The following OGFOD1 variants were observed in gnomAD, a reference collection of about 807,000 sequenced individuals.
OGFOD1 encodes prolyl 3-hydroxylase OGFOD1.
OGFOD1 carries 54 observed loss-of-function variants against 67.7 expected under a neutral mutation model. The observed-to-expected ratio is 0.80, with a 90% CI of 0.64 to 1.00. The LOEUF (loss-of-function observed/expected upper bound fraction) is 1.00, where lower values mean the gene tolerates loss of function less well. Among genes scored for constraint, OGFOD1 ranks in the 50% least tolerant of loss-of-function variants. The pLI, the probability that OGFOD1 is intolerant of heterozygous loss-of-function variation, is 0.00. For missense variants in OGFOD1, 606 were observed against 646.7 expected (o/e 0.94, Z 0.68); for synonymous variants, 221 against 227.0 (o/e 0.97, Z 0.24).
rs1202161336 is a variant in OGFOD1, at chr16:56,477,376, G to A, written c.*1171G>A. The A allele has an allele frequency of 6.6e-6, 1 of 152,160 alleles. No homozygotes were observed. The highest frequency in any genetic ancestry group is 1.5e-5 in the Non-Finnish European group (1 of 68,038). 9.4% of individuals were successfully genotyped at this position (152,160 alleles called of 1,614,324 possible). The stretch of plus-strand genomic sequence containing the variant: ...TCTGGCCTACCATCACATGCCCCAA[G>A]AAACTTCTGGTTGGTAAAGAAGATA... On this transcript the variant is annotated 3_prime_UTR_variant, in exon 13 of 13. Transcript: ENST00000566157.
Position 56,476,098 on chromosome 16 carries a change from G to C in OGFOD1, c.1522G>C (p.Glu508Gln). ...NSLALVYRDRETLKFVKHINH... is the reference protein window; with the variant it reads ...NSLALVYRDRQTLKFVKHINH... ...TTTGGCATTGGTCTACAGAGACAGAGAGACTCTGAAATTTGTCAAGCATAT... is the reference window on the plus strand; with the variant it reads ...TTTGGCATTGGTCTACAGAGACAGACAGACTCTGAAATTTGTCAAGCATAT... The change falls in exon 13 of 13, where the codon GAG becomes CAG. Residue 508 changes from glutamate (E) to glutamine (Q), a missense_variant. Glu to Gln is a conservative substitution (Grantham distance 29). Coordinates refer to ENST00000566157, the MANE Select transcript of OGFOD1 (RefSeq NM_018233.4). The C allele has an allele frequency of 1.9e-6, 3 of 1,613,854 alleles. No homozygotes were observed. Among genetic ancestry groups the C allele is most frequent in the Non-Finnish European group, 2.5e-6 (3 of 1,179,768 alleles).
chr16:56,466,711 G>A (rs891815028), intron 5 of OGFOD1, 165 bp from the exon 6 acceptor site: 21 of 657,880 alleles, frequency 3.2e-5, no homozygotes, highest in Admixed American at 5.0e-5. Flanking sequence ...CAGATGCCAC[G>A]TAGTCAAACT....
intron 4 of OGFOD1, among the ~76,000 whole-genome samples, chr16:56,463,419 T>G (rs1007047421): frequency 2.1e-5 from 3 of 140,382 alleles, no homozygotes; most frequent in Non-Finnish European, 4.6e-5. Flanking sequence ...TTTTTTGGTT[T>G]GTTGGTTCGT....
intron 11 of OGFOD1, 39 bp from the exon 12 acceptor site, chr16:56,475,468 T>C (rs770684355): frequency 2.4e-5 from 39 of 1,595,486 alleles, no homozygotes; most frequent in Admixed American, 1.8e-4. Context: ...ACTCTTTCAA[T>C]AGGAGCTTTC....
At chr16:56,458,516 A>T in intron 2 of OGFOD1, 32 bp from the exon 3 acceptor site, 2 of 1,600,194 alleles carry the variant, frequency 1.2e-6, no homozygotes, top group South Asian at 2.2e-5. Flanking sequence ...TGTGAAGGAA[A>T]TCCCTTTTTT....
At chr16:56,457,924 C>T (rs1236738820) in intron 2 of OGFOD1, among the ~76,000 whole-genome samples, 2 of 152,128 alleles carry the variant, frequency 1.3e-5, no homozygotes, top group South Asian at 2.1e-4. Context: ...ATGATCTGCC[C>T]GCCTCGGCCT....
chr16:56,463,061 T>C (rs1418259376), intron 4 of OGFOD1, among the ~76,000 whole-genome samples: 3 of 152,198 alleles, frequency 2.0e-5, no homozygotes, highest in African/African-American at 7.2e-5. Flanking sequence ...AGGTATATGG[T>C]GTAAACCATG....
chr16:56,451,783 A>C lies in OGFOD1; in HGVS notation c.154+17A>C. The stretch of plus-strand genomic sequence containing the variant: ...TCAGTCACGGTAACCGGGTGCTCTC[A>C]GGGAGGGGCCGCCACGCAGAGGTCT... On this transcript the variant is annotated intron_variant, in intron 1 of 12. Coordinates refer to ENST00000566157, the MANE Select transcript of OGFOD1 (RefSeq NM_018233.4). 3.1e-6 allele frequency: 5 copies of C among 1,610,862 alleles called. No individual in the cohort carries two copies. Among genetic ancestry groups the C allele is most frequent in the African/African-American group, 1.3e-5 (1 of 74,952 alleles).
At chr16:56,468,120 AT>A in intron 8 of OGFOD1, 102 bp downstream of exon 8, 1 of 644,466 alleles carries the variant, frequency 1.6e-6, no homozygotes, top group South Asian at 1.8e-5. Context: ...TTTGTTCCTG[AT>A]TAGAATGTTT....
At chr16:56,464,068 G>A (rs2144003611) in intron 4 of OGFOD1, among the ~76,000 whole-genome samples, 2 of 152,224 alleles carry the variant, frequency 1.3e-5, no homozygotes, top group Admixed American at 1.3e-4. Context: ...CCTCAATCTA[G>A]AACAGCCCCT....
intron 3 of OGFOD1, among the ~76,000 whole-genome samples, chr16:56,459,851 GTATT>G (rs1962652132): frequency 2.0e-5 from 3 of 152,192 alleles, no homozygotes; most frequent in South Asian, 4.1e-4. Flanking sequence ...GAAAAATAGA[GTATT>G]TAACTCCTGC....
rs766487572 is a variant in OGFOD1, at chr16:56,475,494, T to C, written c.1409-13T>C. On this transcript the variant is annotated splice_polypyrimidine_tract_variant and intron_variant, in intron 11 of 12. Coordinates refer to ENST00000566157, the MANE Select transcript of OGFOD1 (RefSeq NM_018233.4). ...AGGAGCTTTCTGAATGCTGTTTGTT[T>C]TTCTCTTGTAAGGCTGGGAGCCAGA... 1.9e-6 allele frequency: 3 copies of C among 1,613,508 alleles called. No individual in the cohort carries two copies. The South Asian group carries it at 3.3e-5, about 18-fold the overall frequency.
rs765164849 is a variant in OGFOD1, at chr16:56,470,035, G to A, written c.933G>A (p.Leu311=). 8.1e-6 allele frequency: 13 copies of A among 1,614,028 alleles called. No individual in the cohort carries two copies. The highest frequency in any genetic ancestry group is 1.1e-5 in the Non-Finnish European group (13 of 1,179,994). Residue 311 remains leucine, a synonymous_variant, in exon 9 of 13, where the codon TTG becomes TTA. Transcript: ENST00000566157. Reference sequence around the variant, plus strand: ...AATTCACGAAAGTCTGTGAGGCCTTGGAGCATGGACATGTGGAATGGAGCA... The same window carrying A: ...AATTCACGAAAGTCTGTGAGGCCTTAGAGCATGGACATGTGGAATGGAGCA... ...PEKFTKVCEA[L]EHGHVEWSSR...
rs200362944 is a variant in OGFOD1 at position 56,467,964 on chromosome 16, A to G, written c.846A>G (p.Gln282=). ...ATCTGGACATGGATTACCAAGTTCAAATTCAAGAAGAGTTTGAAGAAAGTT... is the reference window on the plus strand; with the variant it reads ...ATCTGGACATGGATTACCAAGTTCAGATTCAAGAAGAGTTTGAAGAAAGTT... The part of the protein sequence containing the change: ...PTYLDMDYQV[Q]IQEEFEESSE... The change falls in exon 8 of 13, where the codon CAA becomes CAG. Residue 282 remains glutamine, a synonymous_variant. Transcript: ENST00000566157. 195 of 1,608,938 alleles carry G rather than the reference A, an allele frequency of 1.2e-4. No individual in the cohort carries two copies. Among genetic ancestry groups the G allele is most frequent in the Middle Eastern group, 3.3e-4 (2 of 6,074 alleles).
intron 4 of OGFOD1, among the ~76,000 whole-genome samples, chr16:56,463,245 T>C (rs1962776303): frequency 6.6e-6 from 1 of 152,054 alleles, no homozygotes; most frequent in South Asian, 2.1e-4. Flanking sequence ...TTTTACTAAA[T>C]AAAATAATTC....
At chr16:56,464,580 A>G (rs1411392497) in intron 4 of OGFOD1, among the ~76,000 whole-genome samples, 2 of 152,064 alleles carry the variant, frequency 1.3e-5, no homozygotes, top group Non-Finnish European at 2.9e-5. Flanking sequence ...TTATATTGGT[A>G]TGGATTTATG....
At position 56,454,885 on chromosome 16, in the gene OGFOD1, A is replaced by G. The variant is rs1417779484; in HGVS notation, c.300+1477A>G. 13 of 330,186 alleles carry G rather than the reference A, an allele frequency of 3.9e-5. 1 individual carries two copies. Among genetic ancestry groups the G allele is most frequent in the South Asian group, 1.9e-4 (9 of 46,212 alleles). The allele number at this position is 330,186 out of a possible 1,614,324, so 20.5% of individuals were successfully genotyped here. A position where few individuals can be genotyped will look rare whatever the true frequency, so the allele number is the denominator to read the frequency against. On this transcript the variant is annotated intron_variant, in intron 2 of 12. Transcript: ENST00000566157. The stretch of plus-strand genomic sequence containing the variant: ...AAATACATGAAAGATATGACTCTTA[A>G]TAATTCAGAAAGCTGAAAACTAAAC...
At chr16:56,455,466 A>G (rs1333363553) in intron 2 of OGFOD1, among the ~76,000 whole-genome samples, 2 of 151,768 alleles carry the variant, frequency 1.3e-5, no homozygotes, top group Admixed American at 6.6e-5. Context: ...TTGGATCCAC[A>G]TGGAAGTTTG....
At chr16:56,472,287 A>G (rs1195874501) in intron 10 of OGFOD1, among the ~76,000 whole-genome samples, 17 of 152,082 alleles carry the variant, frequency 1.1e-4, no homozygotes, top group Admixed American at 1.1e-3. Context: ...GTCCAGTTCT[A>G]TTCCTTTTTT....
Sources: allele counts gnomAD v4.1 joint callset (sites outside exome capture counted in the v4.1 genomes callset), GRCh38; gene constraint gnomAD v4.1.1; transcripts MANE v1.5; gene names NCBI Gene and HGNC (gene_info 2026-07-23, HGNC 2026-07-21).